Variants in LARP4 observed in about 807,000 individuals in gnomAD.
LARP4 encodes the protein La ribonucleoprotein 4.
LARP4 carries 29 observed loss-of-function variants against 92.9 expected under a neutral mutation model. That is an observed-to-expected ratio of 0.31 (90% CI 0.23 to 0.43). LARP4 has a LOEUF of 0.43. LARP4 is among the 20% of genes least tolerant of loss of function. The pLI is 1.00. For synonymous variants in LARP4, 279 were observed against 284.1 expected, an observed-to-expected ratio of 0.98 and a Z score of 0.18; for missense variants, 732 against 860.0, an observed-to-expected ratio of 0.85 and a Z score of 1.86.
intron 10 of LARP4, among the ~76,000 whole-genome samples, chr12:50,459,664 A>T (rs1954966116): frequency 6.6e-6 from 1 of 151,890 alleles, no homozygotes. Flanking sequence ...TCTCTACTAA[A>T]AATACAAAAA....
chr12:50,414,899 G>C (rs749575433), intron 1 of LARP4, among the ~76,000 whole-genome samples: 1 of 152,086 alleles, frequency 6.6e-6, no homozygotes, highest in Non-Finnish European at 1.5e-5. Flanking sequence ...GTGTGCATCA[G>C]TGGCTTTTAA....
chr12:50,472,500 A>C (rs948524233), intron 13 of LARP4, among the ~76,000 whole-genome samples: 2 of 150,310 alleles, frequency 1.3e-5, no homozygotes, highest in Non-Finnish European at 3.0e-5. Context: ...GATTTCATTA[A>C]TTTTTTTTTA....
At chr12:50,455,090 A>G (rs980058726) in intron 10 of LARP4, 5 of 152,226 alleles carry the variant, frequency 3.3e-5, no homozygotes, top group African/African-American at 4.8e-5. Flanking sequence ...CACTTAAAGC[A>G]CTATGTTCAG....
chr12:50,450,868 T>C (rs1353556480), intron 8 of LARP4, among the ~76,000 whole-genome samples: 1 of 152,166 alleles, frequency 6.6e-6, no homozygotes, highest in African/African-American at 2.4e-5. Flanking sequence ...TAATGGTGTT[T>C]AGAGCATTTT....
rs986718590 is a variant in LARP4 at position 50,475,533 on chromosome 12, G to A, written c.1844G>A (p.Arg615Gln). The A allele has an allele frequency of 3.1e-6, 5 of 1,597,472 alleles. No individual in the cohort carries two copies. The highest frequency in any genetic ancestry group is 1.4e-5 in the African/African-American group (1 of 73,736). The change falls in exon 16 of 16, where the codon CGA becomes CAA. Residue 615 changes from arginine (R) to glutamine (Q), a missense_variant. Around this residue, in one of 7 missense-constraint regions of LARP4, gnomAD observed 4 missense variants for 17.7 expected, o/e 0.23. Coordinates refer to ENST00000398473, the MANE Select transcript of LARP4 (RefSeq NM_052879.5). The part of the protein sequence containing the change: ...AATAVALQEP[R>Q]KLSYAEVCQK... ...TTTATCATCACTTCAAAGGAACCCC[G>A]AAAGTTAAGTTATGCTGAAGTGTGC...
At chr12:50,446,370 T>TCCCCCCCCTCCCCCTCCCCCTTCCC (rs1555160629) in intron 8 of LARP4, among the ~76,000 whole-genome samples, 1 of 2,276 alleles carries the variant, frequency 4.4e-4, no homozygotes, top group Admixed American at 4.5e-3. Flanking sequence ...TCTCTCTCTC[T>TCCCCCCCCTCCCCCTCCCCCTTCCC]CTCTCTCTCT....
intron 8 of LARP4, among the ~76,000 whole-genome samples, chr12:50,450,359 T>TG (rs1225006515): frequency 5.3e-5 from 8 of 152,130 alleles, no homozygotes; most frequent in Non-Finnish European, 1.2e-4. Flanking sequence ...TATGGGGAAA[T>TG]GGTATTTTGT....
chr12:50,429,061 A>G lies in LARP4; in HGVS notation c.293A>G (p.Asp98Gly). 2 of 1,612,262 alleles carry G rather than the reference A, an allele frequency of 1.2e-6. No individual in the cohort carries two copies. The highest frequency in any genetic ancestry group is 1.7e-6 in the Non-Finnish European group (2 of 1,179,386). Reference protein sequence around the residue: ...STDGMILGPEDLSYQIYDVSG... With the variant: ...STDGMILGPEGLSYQIYDVSG... ...GATGGGATGATTTTAGGACCAGAAG[A>G]TCTGAGTTACCAAATATATGATGTT... Residue 98 changes from aspartate to glycine, a missense_variant, in exon 3 of 16, where the codon GAT becomes GGT. By Grantham distance (94) the Asp-to-Gly change is moderately conservative. This residue lies in a region of LARP4 where 236 missense variants were observed against 307.6 expected (regional missense o/e 0.77). Transcript: ENST00000398473.
chr12:50,437,833 A>G lies in LARP4; in HGVS notation c.634A>G (p.Ile212Val), dbSNP rs201686100. 3 of 1,520,930 alleles carry G rather than the reference A, an allele frequency of 2.0e-6. No individual in the cohort carries two copies. The highest frequency in any genetic ancestry group is 2.7e-6 in the Non-Finnish European group (3 of 1,098,564). 94.2% of individuals were successfully genotyped at this position (1,520,930 alleles called of 1,614,324 possible). A position where few individuals can be genotyped will look rare whatever the true frequency, so the allele number is the denominator to read the frequency against. ...TAGAGAGATTCCTGAAACAACACCA[A>G]TAGAGGTAAATTATTAATAATTGTT... ...ILREIPETTP[I>V]EEVKGLFKSE... is the part of the protein sequence containing the mutation. The change falls in exon 6 of 16, where the codon ATA becomes GTA. Residue 212 changes from isoleucine (I) to valine (V), a missense_variant. By Grantham distance (29) the Ile-to-Val change is conservative. Coordinates refer to ENST00000398473, the MANE Select transcript of LARP4 (RefSeq NM_052879.5).
At position 50,467,079 on chromosome 12, in the gene LARP4, A is replaced by T. The variant is rs755045538; in HGVS notation, c.1504A>T (p.Asn502Tyr). Residue 502 changes from asparagine to tyrosine, a missense_variant, in exon 13 of 16, where the codon AAT becomes TAT. Physicochemically the swap from Asn to Tyr is moderately radical, Grantham distance 143. Coordinates refer to ENST00000398473, the MANE Select transcript of LARP4 (RefSeq NM_052879.5). ...AATGCCAGGTGAACTCGTTTTGGAG[A>T]ATAGGATGTCTGATGTTGTTAAAGG... is the stretch of plus-strand genomic sequence containing the variant. ...SRMPGELVLE[N>Y]RMSDVVKGVY... The T allele has an allele frequency of 6.4e-5, 103 of 1,613,280 alleles. No individual in the cohort carries two copies. Among genetic ancestry groups the T allele is most frequent in the Non-Finnish European group, 7.4e-5 (87 of 1,179,440 alleles).
intron 8 of LARP4, among the ~76,000 whole-genome samples, chr12:50,446,228 G>A (rs1210876249): frequency 2.7e-5 from 4 of 147,208 alleles, no homozygotes; most frequent in East Asian, 2.0e-4. Flanking sequence ...GGATGGTCTC[G>A]ATTTCCTGAC....
rs540268026 is a variant in LARP4, at chr12:50,418,007, C to T, written c.19-9755C>T. ...TCCCAAGTACCTGGGATTACAGGCA[C>T]CCACCACCACGCCCGGCTAATTTTT... On this transcript the variant is annotated intron_variant, in intron 1 of 15. Coordinates refer to ENST00000398473, the MANE Select transcript of LARP4 (RefSeq NM_052879.5). 2.0e-5 allele frequency among the ~76,000 whole-genome samples: 3 copies of T among 152,232 alleles called. 1 individual carries two copies. Among genetic ancestry groups the T allele is most frequent in the East Asian group, 1.9e-4 (1 of 5,176 alleles).
intron 13 of LARP4, among the ~76,000 whole-genome samples, chr12:50,471,583 G>T (rs1305018378): frequency 6.6e-6 from 1 of 152,150 alleles, no homozygotes; most frequent in Non-Finnish European, 1.5e-5. Context: ...GAGTGCAGCG[G>T]CATGGTTTTG....
At chr12:50,455,117 T>C (rs928626744) in intron 10 of LARP4, among the ~76,000 whole-genome samples, 2 of 152,206 alleles carry the variant, frequency 1.3e-5, no homozygotes, top group African/African-American at 4.8e-5. Flanking sequence ...TTATTAAGAA[T>C]CATAGAAACT....
intron 8 of LARP4, among the ~76,000 whole-genome samples, chr12:50,448,109 C>T (rs10747581): frequency 0.71 from 107,881 of 152,046 alleles, 44,378 homozygotes; most frequent in Non-Finnish European, 0.93. Flanking sequence ...TTGTGATCCA[C>T]GCGCCTCGGC....
rs1366552001 is a variant in LARP4, at chr12:50,476,162, C to T, written c.*298C>T. 2 of 156,420 alleles carry T rather than the reference C, an allele frequency of 1.3e-5. No homozygotes were observed. The highest frequency in any genetic ancestry group is 2.8e-5 in the Non-Finnish European group (2 of 71,768). 9.7% of individuals were successfully genotyped at this position (156,420 alleles called of 1,614,324 possible). On this transcript the variant is annotated 3_prime_UTR_variant, in exon 16 of 16. Transcript: ENST00000398473. ...GTTTTAATTTGCAGAGATTTGCTGC[C>T]AGGAATCAATTTTGAGGGTTCAGAT...
chr12:50,452,104 T>C (rs1013160721), intron 8 of LARP4, among the ~76,000 whole-genome samples: 1 of 152,244 alleles, frequency 6.6e-6, no homozygotes, highest in African/African-American at 2.4e-5. Context: ...TGTTTCCATA[T>C]GTTAGCCACT....
At chr12:50,412,488 G>A in intron 1 of LARP4, 4 of 852,444 alleles carry the variant, frequency 4.7e-6, no homozygotes, top group Non-Finnish European at 5.6e-6. Flanking sequence ...TGTCCGAAGA[G>A]ACGGTTTTAC....
chr12:50,450,407 T>C (rs1049546499), intron 8 of LARP4, among the ~76,000 whole-genome samples: 3 of 152,226 alleles, frequency 2.0e-5, no homozygotes, highest in Admixed American at 6.5e-5. Context: ...TTGTGTCTAC[T>C]GGTTTTGTCA....
Sources: gnomAD v4.1 joint callset for allele counts (sites outside exome capture counted in the v4.1 genomes callset) on GRCh38, gnomAD v4.1.1 for gene constraint, gnomAD v4.1.1 regional missense constraint, MANE v1.5 for transcripts, NCBI Gene and HGNC (gene_info 2026-07-23, HGNC 2026-07-21) for gene names.